Variants in PIK3C2G observed in about 807,000 individuals in gnomAD.
PIK3C2G encodes phosphatidylinositol-4-phosphate 3-kinase catalytic subunit type 2 gamma.
A neutral mutation model predicts 181.1 loss-of-function variants in PIK3C2G; 168 were observed. The observed-to-expected ratio is 0.93, with a 90% CI of 0.82 to 1.05. PIK3C2G has a LOEUF of 1.05. Among genes scored for constraint, PIK3C2G ranks in the 50% least tolerant of loss-of-function variants. The probability of loss-of-function intolerance (pLI) is 0.00; values close to 1 mark genes in which losing one functional copy is unlikely to be tolerated. For missense variants in PIK3C2G, 1,869 were observed against 1,732.8 expected (o/e 1.08, Z -1.40); for synonymous variants, 573 against 592.2 (o/e 0.97, Z 0.47).
downstream of PIK3C2G, among the ~76,000 whole-genome samples, chr12:18,650,694 GTGTGTGTGTGTATA>G (rs1950428054): frequency 7.7e-5 from 3 of 38,864 alleles, no homozygotes; most frequent in Admixed American, 8.9e-4. Context: ...GTGTGTGTGT[GTGTGTGTGTGTATA>G]TATCTATATA....
At chr12:18,350,835 C>A (rs1221781514) in intron 11 of PIK3C2G, among the ~76,000 whole-genome samples, 2 of 152,132 alleles carry the variant, frequency 1.3e-5, no homozygotes, top group East Asian at 3.9e-4. Flanking sequence ...AAAGTAATAA[C>A]ATTGACAGAA....
At chr12:18,491,423 A>C in intron 19 of PIK3C2G, 28 bp from the exon 20 acceptor site, 1 of 1,167,900 alleles carries the variant, frequency 8.6e-7, no homozygotes, top group Non-Finnish European at 1.3e-6. Context: ...ACATTTTCTT[A>C]AATCCTTTTT....
At chr12:18,443,881 C>T (rs1032249776) in intron 18 of PIK3C2G, among the ~76,000 whole-genome samples, 6 of 152,100 alleles carry the variant, frequency 3.9e-5, no homozygotes, top group South Asian at 4.1e-4. Context: ...TAGAGTGTAA[C>T]GACCCTTCTC....
chr12:18,427,677 G>C (rs1034507950), intron 18 of PIK3C2G, among the ~76,000 whole-genome samples: 9 of 151,976 alleles, frequency 5.9e-5, no homozygotes, highest in Admixed American at 5.2e-4. Flanking sequence ...TGCACACAAA[G>C]TGGTAAATCA....
the PIK3C2G span, among the ~76,000 whole-genome samples, chr12:18,679,057 G>T: frequency 6.7e-4 from 102 of 152,152 alleles, no homozygotes; most frequent in Middle Eastern, 6.8e-3. Flanking sequence ...ATAGTGTTAA[G>T]TTGCCTTTCT....
intron 18 of PIK3C2G, among the ~76,000 whole-genome samples, chr12:18,468,257 G>T (rs1306431126): frequency 2.0e-5 from 3 of 152,020 alleles, no homozygotes; most frequent in Non-Finnish European, 4.4e-5. Context: ...GAGATTGCTG[G>T]TCCAGAGCTC....
At chr12:18,557,345 T>C (rs893071946) in intron 26 of PIK3C2G, among the ~76,000 whole-genome samples, 4 of 151,998 alleles carry the variant, frequency 2.6e-5, no homozygotes, top group Admixed American at 2.6e-4. Flanking sequence ...AACAAGAATT[T>C]AGTAAAATAA....
intron 31 of PIK3C2G, among the ~76,000 whole-genome samples, chr12:18,633,745 G>T (rs1240804010): frequency 2.0e-5 from 3 of 152,176 alleles, no homozygotes; most frequent in African/African-American, 7.2e-5. Context: ...TGGTTCAGAG[G>T]CTTGAAGAGC....
At chr12:18,662,096 A>G in the PIK3C2G span, among the ~76,000 whole-genome samples, 3 of 152,132 alleles carry the variant, frequency 2.0e-5, no homozygotes, top group Non-Finnish European at 1.5e-5. Flanking sequence ...GGACACAAAA[A>G]TGAGAACAAT....
chr12:18,557,455 A>G (rs1945071609), intron 26 of PIK3C2G, among the ~76,000 whole-genome samples: 1 of 152,152 alleles, frequency 6.6e-6, no homozygotes, highest in South Asian at 2.1e-4. Flanking sequence ...AATAAAATGT[A>G]GAACCATTCA....
chr12:18,509,421 G>A (rs967816738), intron 24 of PIK3C2G, among the ~76,000 whole-genome samples: 2 of 152,124 alleles, frequency 1.3e-5, no homozygotes, highest in Non-Finnish European at 1.5e-5. Context: ...ATATAAGAAG[G>A]ATCTTGAGAA....
chr12:18,405,465 G>A (rs1055544933), intron 16 of PIK3C2G, among the ~76,000 whole-genome samples: 1 of 151,760 alleles, frequency 6.6e-6, no homozygotes. Context: ...TGTCTCCCAG[G>A]TTAGAGTGCA....
At chr12:18,643,258 A>T (rs1158470547) in intron 32 of PIK3C2G, among the ~76,000 whole-genome samples, 1 of 152,152 alleles carries the variant, frequency 6.6e-6, no homozygotes, top group Non-Finnish European at 1.5e-5. Context: ...CCCACTGATT[A>T]AAACTCACTA....
chr12:18,329,091 A>G lies in PIK3C2G; in HGVS notation c.1272+3993A>G, dbSNP rs111756745. Among the ~76,000 whole-genome samples, 1,401 of 152,086 alleles carry G rather than the reference A, an allele frequency of 9.2e-3. 23 individuals carry two copies. Among genetic ancestry groups the G allele is most frequent in the African/African-American group, 0.032 (1,348 of 41,568 alleles). ...GCAGATTGTACTAAAAGTCAAAGCT[A>G]TCATGTATAGAACACTCTCAGACTT... On this transcript the variant is annotated intron_variant, in intron 8 of 32. Transcript: ENST00000538779.
chr12:18,305,980 T>C (rs889849819), intron 5 of PIK3C2G, among the ~76,000 whole-genome samples: 4 of 151,976 alleles, frequency 2.6e-5, no homozygotes, highest in African/African-American at 9.7e-5. Context: ...TATATAGTTA[T>C]GTTACTACTT....
rs778968769 is a variant in PIK3C2G, at chr12:18,262,614, CAAA to C, written c.-79+1050_-79+1052del. ...AAATAGCTAACCATGAGTGAGCTGA[CAAA>C]AAAAAAAAAAAAGACAACTTCTACC... On this transcript the variant is annotated intron_variant, in intron 1 of 32. Coordinates refer to ENST00000538779, the MANE Select transcript of PIK3C2G (RefSeq NM_001288772.2). 2.1e-4 allele frequency among the ~76,000 whole-genome samples: 20 copies of C among 95,174 alleles called. No individual in the cohort carries two copies. In the South Asian group the frequency reaches 3.0e-3, roughly 14 times the overall value. The allele number at this position is 95,174 out of a possible 152,430, so 62.4% of individuals were successfully genotyped here.
chr12:18,680,675 G>C, the PIK3C2G span, among the ~76,000 whole-genome samples: 1 of 152,032 alleles, frequency 6.6e-6, no homozygotes, highest in Non-Finnish European at 1.5e-5. Context: ...AATTTGTCCA[G>C]CCAAAGACAA....
the PIK3C2G span, among the ~76,000 whole-genome samples, chr12:18,665,163 T>C: frequency 9.4e-5 from 14 of 148,626 alleles, no homozygotes. Context: ...ATAATAATAA[T>C]AAAAAATAAA....
At chr12:18,259,870 G>A (rs1453185533), upstream of PIK3C2G, among the ~76,000 whole-genome samples, 4 of 151,972 alleles carry the variant, frequency 2.6e-5, no homozygotes, top group African/African-American at 4.8e-5. Flanking sequence ...GGCTTTGTGT[G>A]TTTAAATTTT....
Sources: gnomAD v4.1 joint callset for allele counts (sites outside exome capture counted in the v4.1 genomes callset) on GRCh38, gnomAD v4.1.1 for gene constraint, MANE v1.5 for transcripts, NCBI Gene and HGNC (gene_info 2026-07-23, HGNC 2026-07-21) for gene names.